Variants in HMCN2 observed in about 807,000 individuals in gnomAD.
The protein encoded by HMCN2 is hemicentin-2.
HMCN2 carries 325 observed loss-of-function variants against 377.5 expected under a neutral mutation model. The ratio of observed to expected loss-of-function variants is 0.86; its 90% confidence interval spans 0.79 to 0.94. The LOEUF (loss-of-function observed/expected upper bound fraction) is 0.94, where lower values mean the gene tolerates loss of function less well. Ranked by LOEUF, HMCN2 falls within the 40% of genes least tolerant of loss-of-function variation. HMCN2 has a pLI of 0.00. For synonymous variants in HMCN2, 2,007 were observed against 2,046.8 expected (o/e 0.98, Z 0.53); for missense variants, 4,543 against 4,725.3 (o/e 0.96, Z 1.13).
At chr9:130,339,067 AG>A (rs1838913300) in intron 23 of HMCN2, among the ~76,000 whole-genome samples, 1 of 152,132 alleles carries the variant, frequency 6.6e-6, no homozygotes, top group Admixed American at 6.5e-5. Flanking sequence ...CCGCACCTGT[AG>A]TCCCAGCTAC....
At position 130,432,546 on chromosome 9, in the gene HMCN2, C is replaced by T. The variant is rs1844825411; in HGVS notation, c.14885C>T (p.Pro4962Leu). The T allele has an allele frequency of 2.6e-6, 4 of 1,550,460 alleles. No individual in the cohort carries two copies. The highest frequency in any genetic ancestry group is 2.6e-6 in the Non-Finnish European group (3 of 1,146,964). Reference sequence around the variant, plus strand: ...TGTCCTGCCACCTACCGGCAGGGCCCCAGCCCTGGGTAAGGGCTGAGTTGG... The same window carrying T: ...TGTCCTGCCACCTACCGGCAGGGCCTCAGCCCTGGGTAAGGGCTGAGTTGG... Reference protein sequence around the residue: ...TPCPATYRQGPSPGTCFRRCS... With the variant: ...TPCPATYRQGLSPGTCFRRCS... Residue 4962 changes from proline to leucine, a missense_variant, in exon 97 of 98, where the codon CCC becomes CTC. Around this residue, in one of 5 missense-constraint regions of HMCN2, gnomAD observed 1,155 missense variants for 1,157.7 expected, o/e 1.00. Transcript: ENST00000683500.
chr9:130,399,487 T>G, intron 75 of HMCN2, 24 bp from the exon 76 acceptor site: 1 of 1,261,330 alleles, frequency 7.9e-7, no homozygotes, highest in Non-Finnish European at 1.0e-6. Context: ...AGCAGCCACT[T>G]GGCCGTCTGT....
chr9:130,358,757 TC>T (rs1840191209), intron 36 of HMCN2, among the ~76,000 whole-genome samples: 1 of 151,594 alleles, frequency 6.6e-6, no homozygotes. Flanking sequence ...CACCGCAAGC[TC>T]CGCCTGCCGG....
At chr9:130,404,724 G>A (rs761795637) in intron 80 of HMCN2, 145 bp from the exon 81 acceptor site, 18 of 435,490 alleles carry the variant, frequency 4.1e-5, no homozygotes, top group South Asian at 7.3e-5. Context: ...TCCTGAGCAC[G>A]GGCAATGGCC....
chr9:130,355,636 G>A (rs960664950), intron 32 of HMCN2, 110 bp from the exon 33 acceptor site: 15 of 560,562 alleles, frequency 2.7e-5, no homozygotes, highest in African/African-American at 1.5e-4. Flanking sequence ...ATAGGGAGAC[G>A]TGAGGGTGAG....
chr9:130,291,795 T>C (rs1835782522), intron 4 of HMCN2, among the ~76,000 whole-genome samples: 1 of 152,242 alleles, frequency 6.6e-6, no homozygotes, highest in South Asian at 2.1e-4. Context: ...ACATAGCCCA[T>C]GTTCAGATTT....
intron 23 of HMCN2, chr9:130,338,528 C>G (rs1460457014): frequency 6.6e-5 from 10 of 152,350 alleles, no homozygotes; most frequent in African/African-American, 2.4e-4. Flanking sequence ...CTTTGTGCAC[C>G]TATAACAGTG....
intron 39 of HMCN2, 68 bp from the exon 40 acceptor site, chr9:130,362,799 G>A: frequency 1.0e-6 from 1 of 981,174 alleles, no homozygotes; most frequent in Non-Finnish European, 1.2e-6. Context: ...GGGCAGGTGG[G>A]GTTCTGCCCC....
chr9:130,399,235 A>C (rs1157002350), intron 75 of HMCN2, among the ~76,000 whole-genome samples: 1 of 149,082 alleles, frequency 6.7e-6, no homozygotes, highest in Non-Finnish European at 1.5e-5. Flanking sequence ...CCTGGGCAAC[A>C]GAACGAGACT....
At chr9:130,342,969 T>TGCCAGA (rs1839140361) in intron 25 of HMCN2, among the ~76,000 whole-genome samples, 1 of 152,208 alleles carries the variant, frequency 6.6e-6, no homozygotes, top group Admixed American at 6.5e-5. Flanking sequence ...CCTTCCTGGT[T>TGCCAGA]TTGTAACTCA....
chr9:130,331,483 G>C (rs1838425405), intron 22 of HMCN2, among the ~76,000 whole-genome samples: 1 of 151,928 alleles, frequency 6.6e-6, no homozygotes, highest in Non-Finnish European at 1.5e-5. Context: ...GCCCAGGATT[G>C]TGTTGCAGCC....
At chr9:130,307,616 G>A (rs1258842027) in intron 14 of HMCN2, 50 bp downstream of exon 14, 1 of 470,508 alleles carries the variant, frequency 2.1e-6, no homozygotes. Context: ...AGAAAGCAAG[G>A]TGTTGAGGGG....
intron 93 of HMCN2, chr9:130,429,312 G>C (rs1236722369): frequency 1.8e-6 from 1 of 555,592 alleles, no homozygotes; most frequent in Non-Finnish European, 3.2e-6. Context: ...GAGCTCAGCG[G>C]AACCCAGGAC....
chr9:130,423,813 C>T lies in HMCN2; in HGVS notation c.13382-963C>T, dbSNP rs994686018. Among the ~76,000 whole-genome samples the T allele has an allele frequency of 3.9e-5, 6 of 152,110 alleles. No homozygotes were observed. Among genetic ancestry groups the T allele is most frequent in the African/African-American group, 7.2e-5 (3 of 41,414 alleles). On this transcript the variant is annotated intron_variant, in intron 87 of 97. Transcript: ENST00000683500. The surrounding 1 kb of genome is among the most constrained non-coding windows in gnomAD (Gnocchi z 5.5). Reference sequence around the variant, plus strand: ...TTTTTTCAAACGGTTTGGAACAAACCGGGGCTGGTCCAGAAGGGATCTGCA... The same window carrying T: ...TTTTTTCAAACGGTTTGGAACAAACTGGGGCTGGTCCAGAAGGGATCTGCA...
intron 5 of HMCN2, among the ~76,000 whole-genome samples, chr9:130,295,432 T>C (rs1036570078): frequency 6.6e-6 from 1 of 151,818 alleles, no homozygotes; most frequent in Non-Finnish European, 1.5e-5. Flanking sequence ...CCCCATGGTG[T>C]TCTGAGGATG....
chr9:130,420,721 T>A (rs773302732), intron 86 of HMCN2, among the ~76,000 whole-genome samples: 27 of 152,096 alleles, frequency 1.8e-4, no homozygotes, highest in Non-Finnish European at 3.5e-4. Flanking sequence ...TGTCTACACT[T>A]CCCTATTTAT....
chr9:130,410,405 G>A (rs1843346118), intron 84 of HMCN2, among the ~76,000 whole-genome samples, 166 bp from the exon 85 acceptor site: 2 of 152,246 alleles, frequency 1.3e-5, no homozygotes, highest in Admixed American at 1.3e-4. Context: ...CTGCTGACAA[G>A]TGGTCACAGA....
intron 1 of HMCN2, among the ~76,000 whole-genome samples, chr9:130,281,166 C>G (rs868995221): frequency 5.5e-4 from 83 of 151,358 alleles, no homozygotes; most frequent in African/African-American, 1.9e-3. Context: ...TTTTGCCTGT[C>G]AGGAATTTCT....
rs1209150007 is a variant in HMCN2, at chr9:130,433,839, TGC to T, written c.*149_*150del. ...GCGAGACCTTGGGTCAACACGACCC[TGC>T]GCACAGCCTTGACCCCCGACAGCGA... is the stretch of plus-strand genomic sequence containing the variant. On this transcript the variant is annotated 3_prime_UTR_variant, in exon 98 of 98. Coordinates refer to ENST00000683500, the MANE Select transcript of HMCN2 (RefSeq NM_001291815.2). The T allele has an allele frequency of 8.8e-6, 6 of 681,622 alleles. No homozygotes were observed. The highest frequency in any genetic ancestry group is 1.1e-5 in the Non-Finnish European group (5 of 442,550). 42.2% of individuals were successfully genotyped at this position (681,622 alleles called of 1,614,324 possible). A position where few individuals can be genotyped will look rare whatever the true frequency, so the allele number is the denominator to read the frequency against.
Sources: allele counts gnomAD v4.1 joint callset (sites outside exome capture counted in the v4.1 genomes callset), GRCh38; gene constraint gnomAD v4.1.1; regional missense constraint gnomAD v4.1.1; non-coding constraint Gnocchi (gnomAD v3.1); transcripts MANE v1.5; gene names NCBI Gene and HGNC (gene_info 2026-07-23, HGNC 2026-07-21).